DCC: variants seen among roughly 807,000 people sequenced by gnomAD.
DCC encodes netrin receptor DCC.
A neutral mutation model predicts 172.5 loss-of-function variants in DCC; 58 were observed. The observed-to-expected ratio is 0.34, with a 90% confidence interval of 0.27 to 0.42. DCC has a LOEUF of 0.42. DCC is among the 10% of genes least tolerant of loss of function. The pLI, the probability that DCC is intolerant of heterozygous loss-of-function variation, is 1.00. For missense variants in DCC, 1,740 were observed against 1,791.0 expected (o/e 0.97, Z 0.51); for synonymous variants, 709 against 644.5 (o/e 1.10, Z -1.52).
chr18:53,318,275 A>G (rs1011233867), intron 13 of DCC, among the ~76,000 whole-genome samples: 6 of 152,090 alleles, frequency 3.9e-5, no homozygotes, highest in Admixed American at 6.6e-5. Flanking sequence ...TTCAGTTTCC[A>G]TGTAGTTGTG....
intron 1 of DCC, among the ~76,000 whole-genome samples, chr18:52,596,881 C>T (rs1157674797): frequency 6.6e-6 from 1 of 152,162 alleles, no homozygotes; most frequent in Non-Finnish European, 1.5e-5. Flanking sequence ...ATGCCTTGGG[C>T]CATTCAGGAG....
At chr18:53,130,511 A>G (rs1318742458) in intron 7 of DCC, among the ~76,000 whole-genome samples, 3 of 152,046 alleles carry the variant, frequency 2.0e-5, no homozygotes, top group Non-Finnish European at 2.9e-5. Flanking sequence ...AGGGATTTTA[A>G]GGTTAAGTTC....
chr18:52,926,796 C>T (rs2040208796), intron 5 of DCC, among the ~76,000 whole-genome samples: 1 of 146,736 alleles, frequency 6.8e-6, no homozygotes, highest in Non-Finnish European at 1.5e-5. Context: ...TATATACACA[C>T]ACACATATAC....
intron 1 of DCC, among the ~76,000 whole-genome samples, chr18:52,630,845 A>G (rs866195259): frequency 6.6e-6 from 1 of 152,202 alleles, no homozygotes; most frequent in African/African-American, 2.4e-5. Flanking sequence ...TCATCCACAC[A>G]TGACTTTAAA....
At chr18:52,525,318 G>A (rs951168943) in intron 1 of DCC, among the ~76,000 whole-genome samples, 1 of 152,070 alleles carries the variant, frequency 6.6e-6, no homozygotes, top group African/African-American at 2.4e-5. Context: ...AACTAGCCTG[G>A]TAGAACCTTT....
intron 7 of DCC, among the ~76,000 whole-genome samples, chr18:53,152,392 A>G (rs1032105981): frequency 5.3e-5 from 8 of 152,204 alleles, no homozygotes; most frequent in East Asian, 1.9e-4. Flanking sequence ...TGGTATCTAG[A>G]AAAATTGAAG....
At chr18:52,594,505 T>G (rs2033867563) in intron 1 of DCC, among the ~76,000 whole-genome samples, 1 of 152,206 alleles carries the variant, frequency 6.6e-6, no homozygotes. Flanking sequence ...TTCCATTTTT[T>G]GTTACTGCCT....
intron 15 of DCC, among the ~76,000 whole-genome samples, chr18:53,351,437 T>C (rs866518370): frequency 1.2e-3 from 70 of 58,780 alleles, no homozygotes; most frequent in Non-Finnish European, 1.4e-3. Context: ...TATATATATA[T>C]ACAGTGTATA....
chr18:53,343,287 GT>G (rs1370981633), intron 15 of DCC, among the ~76,000 whole-genome samples: 1 of 151,866 alleles, frequency 6.6e-6, no homozygotes, highest in Non-Finnish European at 1.5e-5. Flanking sequence ...CATGAAATAG[GT>G]TATTACCTCT....
intron 21 of DCC, among the ~76,000 whole-genome samples, chr18:53,425,523 G>A (rs113552350): frequency 9.9e-5 from 15 of 151,498 alleles, no homozygotes; most frequent in South Asian, 4.2e-4. Flanking sequence ...CACTATGCCC[G>A]GCTAAATCTT....
chr18:52,926,989 A>G (rs1333766235), intron 5 of DCC, among the ~76,000 whole-genome samples: 2 of 141,380 alleles, frequency 1.4e-5, no homozygotes. Flanking sequence ...ATATGGATAT[A>G]TATTTTGTAA....
chr18:52,587,494 G>A (rs1049308594), intron 1 of DCC, among the ~76,000 whole-genome samples: 1 of 152,164 alleles, frequency 6.6e-6, no homozygotes, highest in African/African-American at 2.4e-5. Context: ...ACTCAGAGAA[G>A]TCCATCCACA....
At chr18:52,846,550 A>C (rs1274681969) in intron 2 of DCC, among the ~76,000 whole-genome samples, 1 of 150,412 alleles carries the variant, frequency 6.6e-6, no homozygotes, top group African/African-American at 2.4e-5. Context: ...AAGAGAAAAA[A>C]AAAATTCAGA....
At chr18:53,508,656 C>A (rs1281743420) in intron 27 of DCC, among the ~76,000 whole-genome samples, 1 of 152,136 alleles carries the variant, frequency 6.6e-6, no homozygotes, top group African/African-American at 2.4e-5. Context: ...GCTTGGTGCA[C>A]ACATGCCTGA....
intron 12 of DCC, among the ~76,000 whole-genome samples, chr18:53,273,241 AT>A (rs892253351): frequency 2.0e-5 from 3 of 151,992 alleles, no homozygotes; most frequent in Non-Finnish European, 4.4e-5. Flanking sequence ...TAATCTTATG[AT>A]TTTTTTCATA....
At chr18:53,198,027 A>G (rs1040508241) in intron 9 of DCC, among the ~76,000 whole-genome samples, 1 of 152,162 alleles carries the variant, frequency 6.6e-6, no homozygotes, top group African/African-American at 2.4e-5. Flanking sequence ...TATTTCACAA[A>G]CACATTTTAG....
At chr18:52,939,875 T>C (rs2145520456) in intron 5 of DCC, among the ~76,000 whole-genome samples, 1 of 152,282 alleles carries the variant, frequency 6.6e-6, no homozygotes, top group South Asian at 2.1e-4. Context: ...GTCAAACAAG[T>C]AGATTATCAG....
At chr18:52,787,202 C>T (rs1450792122) in intron 2 of DCC, among the ~76,000 whole-genome samples, 4 of 152,138 alleles carry the variant, frequency 2.6e-5, no homozygotes, top group Non-Finnish European at 4.4e-5. Context: ...CATTAGTTAA[C>T]TCTTGTTTTG....
At chr18:52,763,196 A>G (rs1225193523) in intron 2 of DCC, among the ~76,000 whole-genome samples, 1 of 152,206 alleles carries the variant, frequency 6.6e-6, no homozygotes, top group Non-Finnish European at 1.5e-5. Context: ...CATCAGGTTC[A>G]TTTACTAAGA....
Sources: allele counts gnomAD v4.1 joint callset (sites outside exome capture counted in the v4.1 genomes callset), GRCh38; gene constraint gnomAD v4.1.1; transcripts MANE v1.5; gene names NCBI Gene and HGNC (gene_info 2026-07-23, HGNC 2026-07-21).